C4orf46: variants seen among roughly 807,000 people sequenced by gnomAD.
C4orf46 encodes the protein renal cancer differentiation gene 1 protein.
A neutral mutation model predicts 9.1 loss-of-function variants in C4orf46; 8 were observed. The ratio of observed to expected loss-of-function variants is 0.88; its 90% CI spans 0.52 to 1.59. The LOEUF (loss-of-function observed/expected upper bound fraction) is 1.59, where lower values mean the gene tolerates loss of function less well. C4orf46 is among the 40% of genes most tolerant of loss of function. The pLI is 0.00. For synonymous variants in C4orf46, 51 were observed against 58.8 expected (o/e 0.87, Z 0.61); for missense variants, 151 against 139.1 (o/e 1.09, Z -0.43).
chr4:158,666,811 A>G lies in C4orf46; in HGVS notation c.*2802T>C, dbSNP rs1202078325. 1 of 152,266 alleles carries G rather than the reference A, an allele frequency of 6.6e-6. No homozygotes were observed. Among genetic ancestry groups the G allele is most frequent in the Non-Finnish European group, 1.5e-5 (1 of 68,040 alleles). 9.4% of individuals were successfully genotyped at this position (152,266 alleles called of 1,614,324 possible). On this transcript the variant is annotated 3_prime_UTR_variant, in exon 2 of 2. Coordinates refer to ENST00000379205, the MANE Select transcript of C4orf46 (RefSeq NM_001008393.4). ...GCATCTTCCACAAAGAATACATTTC[A>G]GAGAAGTGTGACAAGACGAAGGAAA...
In C4orf46 at chr4:158,667,200, T is replaced by C. The variant is rs1773401908; in HGVS notation, c.*2413A>G. The stretch of plus-strand genomic sequence containing the variant: ...CATGACAGATGTTGCACTTGAAAAA[T>C]TGATACTTGGAGGAACAGCTATAAA... On this transcript the variant is annotated 3_prime_UTR_variant, in exon 2 of 2. Transcript: ENST00000379205. 1.3e-5 allele frequency: 2 copies of C among 152,242 alleles called. No individual in the cohort carries two copies. Among genetic ancestry groups the C allele is most frequent in the South Asian group, 2.1e-4 (1 of 4,828 alleles). 9.4% of individuals were successfully genotyped at this position (152,242 alleles called of 1,614,324 possible). A position where few individuals can be genotyped will look rare whatever the true frequency, so the allele number is the denominator to read the frequency against.
rs1174973358 is a variant in C4orf46 at position 158,667,491 on chromosome 4, TAACAG to T, written c.*2117_*2121del. ...CTAAAAAAGATAATTGGAACATACA[TAACAG>T]ATCATTAGTATTCAAAATATGTAAT... On this transcript the variant is annotated 3_prime_UTR_variant, in exon 2 of 2. Coordinates refer to ENST00000379205, the MANE Select transcript of C4orf46 (RefSeq NM_001008393.4). The T allele has an allele frequency of 2.0e-5, 3 of 151,962 alleles. No individual in the cohort carries two copies. Among genetic ancestry groups the T allele is most frequent in the Non-Finnish European group, 4.4e-5 (3 of 68,000 alleles). The allele number at this position is 151,962 out of a possible 1,614,324, so 9.4% of individuals were successfully genotyped here.
In C4orf46 at chr4:158,671,637, T is replaced by C. The variant is rs1773553187; in HGVS notation, c.165A>G (p.Glu55=). ...SSGPTVDQLE[E]VELQIGDAAF... ...TCACGTCTCCGATCTGCAGCTCCAC[T>C]TCCTCCAGCTGGTCCACCGTTGGGC... The change falls in exon 1 of 2, where the codon GAA becomes GAG. Residue 55 remains glutamate (E), a synonymous_variant. Transcript: ENST00000379205. The C allele has an allele frequency of 1.9e-6, 3 of 1,579,348 alleles. No individual in the cohort carries two copies. Among genetic ancestry groups the C allele is most frequent in the African/African-American group, 2.7e-5 (2 of 73,174 alleles).
rs1168526303 is a variant in C4orf46 at position 158,666,726 on chromosome 4, C to G, written c.*2887G>C. 1 of 152,158 alleles carries G rather than the reference C, an allele frequency of 6.6e-6. No homozygotes were observed. Among genetic ancestry groups the G allele is most frequent in the South Asian group, 2.1e-4 (1 of 4,830 alleles). 9.4% of individuals were successfully genotyped at this position (152,158 alleles called of 1,614,324 possible). On this transcript the variant is annotated 3_prime_UTR_variant, in exon 2 of 2. Coordinates refer to ENST00000379205, the MANE Select transcript of C4orf46 (RefSeq NM_001008393.4). ...ATTAATATATGCAACGTACATCACA[C>G]AGGAGAAAACTCAATGAAAAGGTAA... is the stretch of plus-strand genomic sequence containing the variant.
At chr4:158,672,024 G>A, upstream of C4orf46, 2 of 555,788 alleles carry the variant, frequency 3.6e-6, no homozygotes. Context: ...TCCTGCGCGA[G>A]CCTCCAATCG....
At position 158,671,848 on chromosome 4, in the gene C4orf46, C is replaced by T; in HGVS notation, c.-47G>A. On this transcript the variant is annotated 5_prime_UTR_variant, in exon 1 of 2. Coordinates refer to ENST00000379205, the MANE Select transcript of C4orf46 (RefSeq NM_001008393.4). The stretch of plus-strand genomic sequence containing the variant: ...AATCCGACCCGAGAAGCCGAACCGA[C>T]ACCAACTGTCTTTTAACCACTCGCG... 1 of 1,416,954 alleles carries T rather than the reference C, an allele frequency of 7.1e-7. No individual in the cohort carries two copies. The highest frequency in any genetic ancestry group is 9.3e-7 in the Non-Finnish European group (1 of 1,069,626). 87.8% of individuals were successfully genotyped at this position (1,416,954 alleles called of 1,614,324 possible). A position where few individuals can be genotyped will look rare whatever the true frequency, so the allele number is the denominator to read the frequency against.
chr4:158,671,631 C>G lies in C4orf46; in HGVS notation c.171G>C (p.Glu57Asp), dbSNP rs989473296. 2 of 1,575,452 alleles carry G rather than the reference C, an allele frequency of 1.3e-6. No individual in the cohort carries two copies. Among genetic ancestry groups the G allele is most frequent in the African/African-American group, 1.4e-5 (1 of 73,252 alleles). The change falls in exon 1 of 2, where the codon GAG becomes GAC. Residue 57 changes from glutamate (E) to aspartate (D), a missense_variant. Glu to Asp is a conservative substitution (Grantham distance 45). Transcript: ENST00000379205. ...CCACACTCACGTCTCCGATCTGCAG[C>G]TCCACTTCCTCCAGCTGGTCCACCG... is the stretch of plus-strand genomic sequence containing the variant. ...GPTVDQLEEV[E>D]LQIGDAAFSL...
At chr4:158,670,354 G>C (rs1249838362) in intron 1 of C4orf46, among the ~76,000 whole-genome samples, 4 of 152,070 alleles carry the variant, frequency 2.6e-5, no homozygotes, top group Non-Finnish European at 4.4e-5. Context: ...AAATACACTA[G>C]AGTCTCAGCT....
In C4orf46 at chr4:158,667,845, C is replaced by A. The variant is rs1191247007; in HGVS notation, c.*1768G>T. 1.3e-5 allele frequency: 2 copies of A among 152,214 alleles called. No individual in the cohort carries two copies. Among genetic ancestry groups the A allele is most frequent in the Non-Finnish European group, 2.9e-5 (2 of 68,056 alleles). 9.4% of individuals were successfully genotyped at this position (152,214 alleles called of 1,614,324 possible). A position where few individuals can be genotyped will look rare whatever the true frequency, so the allele number is the denominator to read the frequency against. ...ATGAACACCAGGAGGCCAGGGATCA[C>A]TGGGGCCATCTGGAAGCTGGCTACC... is the stretch of plus-strand genomic sequence containing the variant. On this transcript the variant is annotated 3_prime_UTR_variant, in exon 2 of 2. Coordinates refer to ENST00000379205, the MANE Select transcript of C4orf46 (RefSeq NM_001008393.4).
intron 1 of C4orf46, among the ~76,000 whole-genome samples, chr4:158,669,989 T>G (rs1418094596): frequency 6.7e-6 from 1 of 149,008 alleles, no homozygotes; most frequent in Non-Finnish European, 1.5e-5. Context: ...ATATCCATTA[T>G]GTCTGAGATA....
At position 158,669,234 on chromosome 4, in the gene C4orf46, T is replaced by C. The variant is rs1050928531; in HGVS notation, c.*379A>G. 6.3e-6 allele frequency: 1 copy of C among 158,104 alleles called. No individual in the cohort carries two copies. Among genetic ancestry groups the C allele is most frequent in the African/African-American group, 2.4e-5 (1 of 41,598 alleles). The allele number at this position is 158,104 out of a possible 1,614,324, so 9.8% of individuals were successfully genotyped here. On this transcript the variant is annotated 3_prime_UTR_variant, in exon 2 of 2. Coordinates refer to ENST00000379205, the MANE Select transcript of C4orf46 (RefSeq NM_001008393.4). ...GCAACCTTAAAGTTACCTCCCTTGG[T>C]CCTTAAGATGAAACGCAACTTCAAA...
At position 158,666,722 on chromosome 4, in the gene C4orf46, C is replaced by G. The variant is rs748403018; in HGVS notation, c.*2891G>C. On this transcript the variant is annotated 3_prime_UTR_variant, in exon 2 of 2. Coordinates refer to ENST00000379205, the MANE Select transcript of C4orf46 (RefSeq NM_001008393.4). ...TTTTATTAATATATGCAACGTACAT[C>G]ACACAGGAGAAAACTCAATGAAAAG... 2.6e-5 allele frequency: 4 copies of G among 152,164 alleles called. No homozygotes were observed. The highest frequency in any genetic ancestry group is 7.2e-5 in the African/African-American group (3 of 41,422). The allele number at this position is 152,164 out of a possible 1,614,324, so 9.4% of individuals were successfully genotyped here. A position where few individuals can be genotyped will look rare whatever the true frequency, so the allele number is the denominator to read the frequency against.
At chr4:158,670,000 T>C (rs936885817) in intron 1 of C4orf46, among the ~76,000 whole-genome samples, 2 of 150,852 alleles carry the variant, frequency 1.3e-5, no homozygotes, top group Non-Finnish European at 3.0e-5. Flanking sequence ...GTCTGAGATA[T>C]GACAAATCAG....
chr4:158,670,284 A>G (rs1773493851), intron 1 of C4orf46, among the ~76,000 whole-genome samples: 1 of 151,910 alleles, frequency 6.6e-6, no homozygotes, highest in Non-Finnish European at 1.5e-5. Context: ...CAGCCTCCCA[A>G]AGTGCTGGGA....
rs1330979134 is a variant in C4orf46 at position 158,668,887 on chromosome 4, T to C, written c.*726A>G. On this transcript the variant is annotated 3_prime_UTR_variant, in exon 2 of 2. Coordinates refer to ENST00000379205, the MANE Select transcript of C4orf46 (RefSeq NM_001008393.4). Reference sequence around the variant, plus strand: ...GTCTTTCCCTTTCTGAAGTAAAGTCTTTAAAAAAAAAATCAAACAAGTACA... The same window carrying C: ...GTCTTTCCCTTTCTGAAGTAAAGTCCTTAAAAAAAAAATCAAACAAGTACA... 1.3e-5 allele frequency: 2 copies of C among 152,086 alleles called. No individual in the cohort carries two copies. Among genetic ancestry groups the C allele is most frequent in the Non-Finnish European group, 2.9e-5 (2 of 67,998 alleles). The allele number at this position is 152,086 out of a possible 1,614,324, so 9.4% of individuals were successfully genotyped here.
chr4:158,668,855 C>G lies in C4orf46; in HGVS notation c.*758G>C, dbSNP rs908061817. The G allele has an allele frequency of 3.3e-5, 5 of 152,044 alleles. No homozygotes were observed. The highest frequency in any genetic ancestry group is 5.9e-5 in the Non-Finnish European group (4 of 68,000). The allele number at this position is 152,044 out of a possible 1,614,324, so 9.4% of individuals were successfully genotyped here. A position where few individuals can be genotyped will look rare whatever the true frequency, so the allele number is the denominator to read the frequency against. Reference sequence around the variant, plus strand: ...AATAGGGAAAAAATATGCATTCTTTCTAAACAGTCTTTCCCTTTCTGAAGT... The same window carrying G: ...AATAGGGAAAAAATATGCATTCTTTGTAAACAGTCTTTCCCTTTCTGAAGT... On this transcript the variant is annotated 3_prime_UTR_variant, in exon 2 of 2. Coordinates refer to ENST00000379205, the MANE Select transcript of C4orf46 (RefSeq NM_001008393.4).
In C4orf46 at chr4:158,668,242, A is replaced by T. The variant is rs1301384955; in HGVS notation, c.*1371T>A. 6.5e-6 allele frequency: 1 copy of T among 152,674 alleles called. No individual in the cohort carries two copies. Among genetic ancestry groups the T allele is most frequent in the African/African-American group, 2.4e-5 (1 of 41,470 alleles). 9.5% of individuals were successfully genotyped at this position (152,674 alleles called of 1,614,324 possible). On this transcript the variant is annotated 3_prime_UTR_variant, in exon 2 of 2. Transcript: ENST00000379205. ...GCTTTTAATAATAATTTATTTTTAC[A>T]CATTTTAAAAATTGCAATTTTCAGG...
chr4:158,667,591 T>C lies in C4orf46; in HGVS notation c.*2022A>G, dbSNP rs1773412784. 1 of 151,990 alleles carries C rather than the reference T, an allele frequency of 6.6e-6. No individual in the cohort carries two copies. The highest frequency in any genetic ancestry group is 1.5e-5 in the Non-Finnish European group (1 of 68,012). 9.4% of individuals were successfully genotyped at this position (151,990 alleles called of 1,614,324 possible). On this transcript the variant is annotated 3_prime_UTR_variant, in exon 2 of 2. Coordinates refer to ENST00000379205, the MANE Select transcript of C4orf46 (RefSeq NM_001008393.4). ...AAAAATGCCTGTAATCCCAGTGCTTTATAGGAGGAGGCGAGATGGGAGGAT... is the reference window on the plus strand; with the variant it reads ...AAAAATGCCTGTAATCCCAGTGCTTCATAGGAGGAGGCGAGATGGGAGGAT...
In C4orf46 at chr4:158,668,230, A is replaced by AT. The variant is rs1365822389; in HGVS notation, c.*1382dup. 6.6e-6 allele frequency: 1 copy of AT among 152,642 alleles called. No homozygotes were observed. The highest frequency in any genetic ancestry group is 1.9e-4 in the East Asian group (1 of 5,200). The allele number at this position is 152,642 out of a possible 1,614,324, so 9.5% of individuals were successfully genotyped here. A position where few individuals can be genotyped will look rare whatever the true frequency, so the allele number is the denominator to read the frequency against. On this transcript the variant is annotated 3_prime_UTR_variant, in exon 2 of 2. Transcript: ENST00000379205. ...GAAATAAAATGTGCTTTTAATAATA[A>AT]TTTATTTTTACACATTTTAAAAATT...
Sources: gnomAD v4.1 joint callset for allele counts (sites outside exome capture counted in the v4.1 genomes callset) on GRCh38, gnomAD v4.1.1 for gene constraint, MANE v1.5 for transcripts, NCBI Gene and HGNC (gene_info 2026-07-23, HGNC 2026-07-21) for gene names.